TSPAN18: variants seen among roughly 807,000 people sequenced by gnomAD.
The protein encoded by TSPAN18 is tetraspanin 18, also known as tetraspanin-18.
A neutral mutation model predicts 27.3 loss-of-function variants in TSPAN18; 14 were observed. That is an observed-to-expected ratio of 0.51 (90% CI 0.34 to 0.80). The LOEUF (loss-of-function observed/expected upper bound fraction) is 0.80. TSPAN18 is among the 30% of genes least tolerant of loss of function. TSPAN18 has a pLI of 0.01. For synonymous variants in TSPAN18, 143 were observed against 136.5 expected (o/e 1.05, Z -0.33); for missense variants, 268 against 323.9 (o/e 0.83, Z 1.32).
At chr11:44,837,435 G>A (rs1857285934) in intron 2 of TSPAN18, among the ~76,000 whole-genome samples, 2 of 152,228 alleles carry the variant, frequency 1.3e-5, no homozygotes, top group African/African-American at 4.8e-5. Context: ...TAAGCAAAGA[G>A]ATGGAAACTA....
chr11:44,896,984 A>G (rs1241252853), intron 3 of TSPAN18, among the ~76,000 whole-genome samples: 1 of 152,126 alleles, frequency 6.6e-6, no homozygotes, highest in Non-Finnish European at 1.5e-5. Context: ...CCACCCCTTC[A>G]CTGACCCCAG....
At chr11:44,914,467 G>A (rs1373120229) in intron 5 of TSPAN18, among the ~76,000 whole-genome samples, 1 of 152,200 alleles carries the variant, frequency 6.6e-6, no homozygotes, top group East Asian at 1.9e-4. Context: ...AGTGGGAAAT[G>A]CATGTTTTGC....
intron 2 of TSPAN18, among the ~76,000 whole-genome samples, chr11:44,781,187 CTG>C (rs1182457015): frequency 6.6e-6 from 1 of 152,154 alleles, no homozygotes; most frequent in East Asian, 1.9e-4. Context: ...GATAGGAAGA[CTG>C]TTGGTGAAGG....
Position 44,909,766 on chromosome 11 carries a change from G to A in TSPAN18, c.125G>A (p.Arg42Gln), listed in dbSNP as rs775692714. 1.2e-4 allele frequency: 188 copies of A among 1,613,572 alleles called. No individual in the cohort carries two copies. Among genetic ancestry groups the A allele is most frequent in the South Asian group, 6.4e-4 (58 of 91,054 alleles). Residue 42 changes from arginine (R) to glutamine (Q), a missense_variant, in exon 5 of 10, where the codon CGG becomes CAG. Physicochemically the swap from Arg to Gln is conservative, Grantham distance 43. Coordinates refer to ENST00000520358, the MANE Select transcript of TSPAN18 (RefSeq NM_130783.5). ...IWVMVDPTGF[R>Q]EIVAANPLLL... ...GTCATGGTGGACCCCACCGGCTTCC[G>A]GGAGATCGTGGCTGCCAATCCTCTG...
chr11:44,777,273 T>C (rs1361848084), intron 2 of TSPAN18, among the ~76,000 whole-genome samples: 1 of 152,166 alleles, frequency 6.6e-6, no homozygotes, highest in Non-Finnish European at 1.5e-5. Flanking sequence ...TGAAGAGACC[T>C]ATGTGTGACC....
At chr11:44,782,958 A>C (rs944718953) in intron 2 of TSPAN18, among the ~76,000 whole-genome samples, 1 of 151,990 alleles carries the variant, frequency 6.6e-6, no homozygotes, top group African/African-American at 2.4e-5. Context: ...CCTCCCAAGT[A>C]GCTGGGATTA....
At position 44,908,831 on chromosome 11, in the gene TSPAN18, A is replaced by AAAGAAAGAAAGAAAGAAAGAAAGAGAG. The variant is rs1590671474; in HGVS notation, c.64-873_64-872insAGAAAGAAAGAAAGAAAGAAAGAGAGA. Among the ~76,000 whole-genome samples the AAAGAAAGAAAGAAAGAAAGAAAGAGAG allele has an allele frequency of 9.4e-5, 9 of 96,236 alleles. 1 individual carries two copies. The highest frequency in any genetic ancestry group is 2.9e-4 in the African/African-American group (7 of 23,804). 63.1% of individuals were successfully genotyped at this position (96,236 alleles called of 152,430 possible). On this transcript the variant is annotated intron_variant, in intron 4 of 9. Coordinates refer to ENST00000520358, the MANE Select transcript of TSPAN18 (RefSeq NM_130783.5). ...AGAAAGAAAGAAAGAAAGAAAGAAA[A>AAAGAAAGAAAGAAAGAAAGAAAGAGAG]AGAAAAATGGAGCAGATATTTATTG...
In TSPAN18 at chr11:44,919,927, C is replaced by G. The variant is rs773465712; in HGVS notation, c.543C>G (p.Pro181=). ...CGGAGGCCTGCTGCCGGAGGGAACC[C>G]CAAAGTCGGGACGGGGTCCTGCTGA... is the stretch of plus-strand genomic sequence containing the variant. The part of the protein sequence containing the change: ...EVPEACCRRE[P]QSRDGVLLSR... The change falls in exon 8 of 10, where the codon CCC becomes CCG. Residue 181 remains proline (P), a synonymous_variant. Transcript: ENST00000520358. 6.2e-7 allele frequency: 1 copy of G among 1,614,190 alleles called. No homozygotes were observed. Among genetic ancestry groups the G allele is most frequent in the East Asian group, 2.2e-5 (1 of 44,878 alleles).
chr11:44,909,699 G>T lies in TSPAN18; in HGVS notation c.64-6G>T, dbSNP rs374448725. The T allele has an allele frequency of 8.8e-5, 142 of 1,606,688 alleles. No individual in the cohort carries two copies. The highest frequency in any genetic ancestry group is 8.5e-4 in the Admixed American group (51 of 59,860). ...CTCCTCCCAACTCCTCCACTGGCCC[G>T]AGCAGCTGGGCGGGGCCTGCCTGCT... On this transcript the variant is annotated splice_polypyrimidine_tract_variant and splice_region_variant and intron_variant, in intron 4 of 9. Coordinates refer to ENST00000520358, the MANE Select transcript of TSPAN18 (RefSeq NM_130783.5).
intron 2 of TSPAN18, among the ~76,000 whole-genome samples, chr11:44,779,310 A>G (rs10838354): frequency 0.19 from 29,192 of 152,090 alleles, 3,072 homozygotes; most frequent in South Asian, 0.34. Flanking sequence ...AAGGCCAGGT[A>G]TTTCTGAACT....
At chr11:44,773,347 C>T (rs1337068907) in intron 2 of TSPAN18, among the ~76,000 whole-genome samples, 2 of 151,752 alleles carry the variant, frequency 1.3e-5, no homozygotes, top group Admixed American at 6.6e-5. Context: ...ACCTGGGAGG[C>T]GGAGGTTGTG....
chr11:44,852,000 C>G (rs189179737), intron 2 of TSPAN18, among the ~76,000 whole-genome samples: 1 of 152,168 alleles, frequency 6.6e-6, no homozygotes, highest in Admixed American at 6.5e-5. Context: ...TTTCTGTGCC[C>G]TCCCCCAATG....
At position 44,804,911 on chromosome 11, in the gene TSPAN18, T is replaced by C. The variant is rs143767686; in HGVS notation, c.-153+40399T>C. Among the ~76,000 whole-genome samples, 636 of 152,156 alleles carry C rather than the reference T, an allele frequency of 4.2e-3. 2 individuals are homozygous for C. Among genetic ancestry groups the C allele is most frequent in the African/African-American group, 0.014 (591 of 41,522 alleles). ...AGCCAGAAAAACAGAACAGGCTGTT[T>C]AAGTGGGACAAGCAAGAAGCCCAGC... is the stretch of plus-strand genomic sequence containing the variant. On this transcript the variant is annotated intron_variant, in intron 2 of 9. Coordinates refer to ENST00000520358, the MANE Select transcript of TSPAN18 (RefSeq NM_130783.5).
intron 2 of TSPAN18, among the ~76,000 whole-genome samples, chr11:44,767,562 A>G (rs1280617842): frequency 6.6e-6 from 1 of 152,218 alleles, no homozygotes; most frequent in Non-Finnish European, 1.5e-5. Flanking sequence ...TCCCCTGCCC[A>G]TAGGGCCTGA....
chr11:44,920,046 G>C, intron 8 of TSPAN18, 47 bp downstream of exon 8: 1 of 1,575,754 alleles, frequency 6.3e-7, no homozygotes, highest in South Asian at 1.1e-5. Context: ...ATCGGGATTT[G>C]GGTGGCCAGA....
intron 3 of TSPAN18, among the ~76,000 whole-genome samples, chr11:44,893,400 G>A (rs1858923311): frequency 6.6e-6 from 1 of 152,226 alleles, no homozygotes; most frequent in African/African-American, 2.4e-5. Context: ...CCGCTCAGCT[G>A]TGACCATGTC....
At chr11:44,776,473 G>T (rs144711589) in intron 2 of TSPAN18, among the ~76,000 whole-genome samples, 157 of 152,342 alleles carry the variant, frequency 1.0e-3, no homozygotes, top group African/African-American at 3.5e-3. Flanking sequence ...GGGGTTAAGG[G>T]TGAGGATGTG....
intron 1 of TSPAN18, among the ~76,000 whole-genome samples, chr11:44,752,667 C>T (rs1359084667): frequency 6.6e-6 from 1 of 152,188 alleles, no homozygotes; most frequent in Non-Finnish European, 1.5e-5. Context: ...AGCCATGATT[C>T]TCATAAATCT....
At chr11:44,829,001 TA>T (rs1404227871) in intron 2 of TSPAN18, among the ~76,000 whole-genome samples, 1 of 152,226 alleles carries the variant, frequency 6.6e-6, no homozygotes, top group Non-Finnish European at 1.5e-5. Flanking sequence ...AACCCAGTTT[TA>T]AAAACGAATG....
Sources: allele counts gnomAD v4.1 joint callset (sites outside exome capture counted in the v4.1 genomes callset), GRCh38; gene constraint gnomAD v4.1.1; transcripts MANE v1.5; gene names NCBI Gene and HGNC (gene_info 2026-07-23, HGNC 2026-07-21).